The following LIFR variants were observed in gnomAD, a reference collection of about 807,000 sequenced individuals.
The protein encoded by LIFR is LIF receptor subunit alpha, also known as leukemia inhibitory factor receptor.
In LIFR, 84 loss-of-function variants were observed where a neutral mutation model predicts 122.2. The ratio of observed to expected loss-of-function variants is 0.69; its 90% CI spans 0.58 to 0.82. LIFR has a LOEUF of 0.82. LIFR is among the 40% of genes least tolerant of loss of function. The pLI is 0.00. For synonymous variants in LIFR, 422 were observed against 434.7 expected, an observed-to-expected ratio of 0.97 and a Z score of 0.36; for missense variants, 1,294 against 1,311.6, an observed-to-expected ratio of 0.99 and a Z score of 0.21.
In LIFR at chr5:38,581,149, G is replaced by C. The variant is rs148772354; in HGVS notation, c.-20+14112C>G. On this transcript the variant is annotated intron_variant, in intron 1 of 19. Coordinates refer to the LIFR transcript ENST00000263409. ...GTGCACAATAAATAGTGGTGGTTAG[G>C]ATTATAAAAACGCTTTAGCTGATTT... Among the ~76,000 whole-genome samples, 1,219 of 152,096 alleles carry C rather than the reference G, an allele frequency of 8.0e-3. 6 individuals are homozygous for C. Among genetic ancestry groups the C allele is most frequent in the Non-Finnish European group, 0.011 (762 of 67,986 alleles).
At chr5:38,580,242 C>T (rs1749537969) in intron 1 of LIFR, among the ~76,000 whole-genome samples, 1 of 152,200 alleles carries the variant, frequency 6.6e-6, no homozygotes, top group Admixed American at 6.5e-5. Context: ...GTGATTTATG[C>T]TGCTGTGGAA....
Position 38,507,592 on chromosome 5 carries a change from T to G in LIFR, c.992-960A>C, listed in dbSNP as rs74293557. Among the ~76,000 whole-genome samples, 2,656 of 150,428 alleles carry G rather than the reference T, an allele frequency of 0.018. 191 individuals carry two copies. The East Asian group carries it at 0.25, about 14-fold the overall frequency. ...AAAAAAAAAAAAAAAAGTGATAAAT[T>G]AAAAGTCTGCAGTCTGACACTGCTT... On this transcript the variant is annotated intron_variant, in intron 7 of 19. Transcript: ENST00000453190.
intron 1 of LIFR, among the ~76,000 whole-genome samples, chr5:38,566,660 C>T (rs1359559278): frequency 6.6e-6 from 1 of 152,130 alleles, no homozygotes; most frequent in Non-Finnish European, 1.5e-5. Flanking sequence ...TCAATTATAA[C>T]ATAATGTAAT....
At chr5:38,602,965 G>T (rs968797419) in intron 2 of LIFR, among the ~76,000 whole-genome samples, 7 of 152,166 alleles carry the variant, frequency 4.6e-5, no homozygotes, top group African/African-American at 1.7e-4. Flanking sequence ...CTGGAGAAGG[G>T]AAGAGAGCCT....
At chr5:38,545,536 A>G (rs1354661639) in intron 1 of LIFR, among the ~76,000 whole-genome samples, 1 of 151,950 alleles carries the variant, frequency 6.6e-6, no homozygotes, top group African/African-American at 2.4e-5. Context: ...TTTTACTTTT[A>G]TAATTTTTAA....
At chr5:38,572,178 A>G (rs1054157576) in intron 1 of LIFR, among the ~76,000 whole-genome samples, 5 of 152,240 alleles carry the variant, frequency 3.3e-5, no homozygotes, top group African/African-American at 9.6e-5. Flanking sequence ...TAATTGGCTC[A>G]CAATTCTGCA....
rs112380048 is a variant in LIFR at position 38,517,331 on chromosome 5, T to C, written c.562-5367A>G. ...TACTTTGCAGACCCCAGAGCAAATA[T>C]TGCCACTTTACAAAAGATACAAACT... On this transcript the variant is annotated intron_variant, in intron 5 of 19. Transcript: ENST00000453190. 2.3e-3 allele frequency among the ~76,000 whole-genome samples: 343 copies of C among 152,298 alleles called. 1 individual carries two copies. The highest frequency in any genetic ancestry group is 7.8e-3 in the African/African-American group (323 of 41,586).
At chr5:38,513,252 G>A (rs925065956) in intron 5 of LIFR, among the ~76,000 whole-genome samples, 1 of 152,130 alleles carries the variant, frequency 6.6e-6, no homozygotes, top group Non-Finnish European at 1.5e-5. Flanking sequence ...TAGAAGACCT[G>A]AGAAAACAAA....
At chr5:38,530,715 T>C in intron 1 of LIFR, 49 bp from the exon 2 acceptor site, 3 of 1,478,648 alleles carry the variant, frequency 2.0e-6, no homozygotes, top group Non-Finnish European at 2.8e-6. Context: ...TTCTGAAGGC[T>C]CACCTTATAC....
At chr5:38,593,251 A>G (rs1749988777) in intron 1 of LIFR, among the ~76,000 whole-genome samples, 1 of 151,922 alleles carries the variant, frequency 6.6e-6, no homozygotes, top group South Asian at 2.1e-4. Flanking sequence ...AAAACATAAA[A>G]AAGGCAGGGG....
chr5:38,575,500 A>G (rs960417247), intron 1 of LIFR, among the ~76,000 whole-genome samples: 2 of 152,134 alleles, frequency 1.3e-5, no homozygotes, highest in African/African-American at 4.8e-5. Flanking sequence ...TGTGCTGGTT[A>G]CCCACCGTTT....
In LIFR at chr5:38,527,199, A is replaced by C; in HGVS notation, c.353T>G (p.Phe118Cys). 2 of 1,591,944 alleles carry C rather than the reference A, an allele frequency of 1.3e-6. No individual in the cohort carries two copies. Among genetic ancestry groups the C allele is most frequent in the South Asian group, 1.1e-5 (1 of 89,906 alleles). The change falls in exon 4 of 20, where the codon TTT (phenylalanine) becomes TGT (cysteine). Residue 118 changes from phenylalanine (F) to cysteine (C), a missense_variant. Phe to Cys is a radical substitution (Grantham distance 205, BLOSUM62 -2). Coordinates refer to ENST00000453190, the MANE Select transcript of LIFR (RefSeq NM_001127671.2). ...TGTGAATTTACTTGTAGAACTTCCAAAATCATGTAGAGAATTTATTGTTAT... is the reference window on the plus strand; with the variant it reads ...TGTGAATTTACTTGTAGAACTTCCACAATCATGTAGAGAATTTATTGTTAT... ...YEITINSLHDFGSSTSKFTLN... is the reference protein window; with the variant it reads ...YEITINSLHDCGSSTSKFTLN...
chr5:38,516,178 G>A (rs1746070463), intron 5 of LIFR, among the ~76,000 whole-genome samples: 1 of 152,178 alleles, frequency 6.6e-6, no homozygotes, highest in South Asian at 2.1e-4. Context: ...TGAGCTATAT[G>A]GTTTTAGCCT....
At chr5:38,604,975 T>C (rs1750296214) in intron 2 of LIFR, among the ~76,000 whole-genome samples, 1 of 152,160 alleles carries the variant, frequency 6.6e-6, no homozygotes, top group Admixed American at 6.5e-5. Context: ...AAAGAGTTAC[T>C]CTCAGTATTA....
At chr5:38,544,572 C>T (rs1475800824) in intron 1 of LIFR, among the ~76,000 whole-genome samples, 1 of 152,162 alleles carries the variant, frequency 6.6e-6, no homozygotes, top group Non-Finnish European at 1.5e-5. Context: ...CCCTGCTTGC[C>T]TCCCTCCCCC....
At chr5:38,511,472 TG>T (rs1270979938) in intron 6 of LIFR, among the ~76,000 whole-genome samples, 3 of 151,628 alleles carry the variant, frequency 2.0e-5, no homozygotes, top group East Asian at 2.1e-4. Flanking sequence ...GGAACTGTTT[TG>T]TTTTTTTTTT....
chr5:38,595,727 CTTTTTT>C (rs70978897), upstream of LIFR, among the ~76,000 whole-genome samples: 4 of 91,932 alleles, frequency 4.4e-5, no homozygotes, highest in Admixed American at 2.8e-4. Flanking sequence ...CACAATAGGT[CTTTTTT>C]TTTTTTTTTT....
rs981772629 is a variant in LIFR at position 38,527,236 on chromosome 5, C to T, written c.316G>A (p.Gly106Ser). 1.3e-6 allele frequency: 2 copies of T among 1,595,782 alleles called. No individual in the cohort carries two copies. Among genetic ancestry groups the T allele is most frequent in the Non-Finnish European group, 1.7e-6 (2 of 1,164,012 alleles). The change falls in exon 4 of 20, where the codon GGT becomes AGT. Residue 106 changes from glycine (G) to serine (S), a missense_variant. By Grantham distance (56) the Gly-to-Ser change is moderately conservative (BLOSUM62 0). Coordinates refer to ENST00000453190, the MANE Select transcript of LIFR (RefSeq NM_001127671.2). ...GAATTTATTGTTATTTCATAATCAC[C>T]ATGTGAAAGAGCTGGAATTTTAATA... ...TSIKIPALSH[G>S]DYEITINSLH...
upstream of LIFR, among the ~76,000 whole-genome samples, chr5:38,560,848 G>A (rs1350737380): frequency 2.6e-5 from 4 of 152,032 alleles, no homozygotes; most frequent in East Asian, 3.9e-4. Flanking sequence ...CACCCACCTC[G>A]GCCTCCCAAA....
Sources: allele counts gnomAD v4.1 joint callset (sites outside exome capture counted in the v4.1 genomes callset), GRCh38; gene constraint gnomAD v4.1.1; transcripts MANE v1.5; gene names NCBI Gene and HGNC (gene_info 2026-07-23, HGNC 2026-07-21).